The following HELZ variants were observed in gnomAD, a reference collection of about 807,000 sequenced individuals.
The protein encoded by HELZ is helicase with zinc finger.
Under a neutral mutation model 218.2 loss-of-function variants are expected in HELZ, and 23 were observed. The ratio of observed to expected loss-of-function variants is 0.11; its 90% CI spans 0.08 to 0.15. The LOEUF (loss-of-function observed/expected upper bound fraction) is 0.15. HELZ is among the 10% of genes least tolerant of loss of function. HELZ has a pLI of 1.00. For synonymous variants in HELZ, 814 were observed against 829.4 expected, an observed-to-expected ratio of 0.98 and a Z score of 0.32; for missense variants, 1,813 against 2,353.7, an observed-to-expected ratio of 0.77 and a Z score of 4.75.
At position 67,167,697 on chromosome 17, in the gene HELZ, G is replaced by A. The variant is rs907645504; in HGVS notation, c.1530C>T (p.Arg510=). 6.2e-7 allele frequency: 1 copy of A among 1,614,164 alleles called. No homozygotes were observed. The highest frequency in any genetic ancestry group is 8.5e-7 in the Non-Finnish European group (1 of 1,180,030). Residue 510 remains arginine, a synonymous_variant, in exon 14 of 33, where the codon CGC becomes CGT. Coordinates refer to ENST00000358691, the MANE Select transcript of HELZ (RefSeq NM_014877.4). Reference sequence around the variant, plus strand: ...CAGAAAGTGTTTCAGTAAGCTTAAAGCGACCAAAAAGTTGTCCATTCTGAG... The same window carrying A: ...CAGAAAGTGTTTCAGTAAGCTTAAAACGACCAAAAAGTTGTCCATTCTGAG... ...KYAQNGQLFG[R]FKLTETLSED... is the part of the protein sequence containing the mutation.
intron 32 of HELZ, among the ~76,000 whole-genome samples, 188 bp downstream of exon 32, chr17:67,086,641 T>TAAATATAA: frequency 1.1e-5 from 1 of 92,684 alleles, no homozygotes; most frequent in Non-Finnish European, 2.4e-5. Context: ...AATATATATA[T>TAAATATAA]ATATATATAT....
rs891871898 is a variant in HELZ, at chr17:67,110,138, G to A, written c.3919-452C>T. The stretch of plus-strand genomic sequence containing the variant: ...GCTGCAGTGCAGTGGCACCATCTTG[G>A]CTCACTGCAATTTCTGCCTCCTGGA... On this transcript the variant is annotated intron_variant, in intron 28 of 32. Transcript: ENST00000358691. 5.3e-5 allele frequency among the ~76,000 whole-genome samples: 8 copies of A among 152,124 alleles called. No homozygotes were observed. The East Asian group carries it at 1.4e-3, about 26-fold the overall frequency.
At chr17:67,162,801 A>G (rs984816288) in intron 15 of HELZ, among the ~76,000 whole-genome samples, 2 of 152,104 alleles carry the variant, frequency 1.3e-5, no homozygotes, top group Admixed American at 6.5e-5. Flanking sequence ...GCTGACCAGG[A>G]AAAGTAAATA....
At chr17:67,110,783 A>G (rs1013397103) in intron 28 of HELZ, among the ~76,000 whole-genome samples, 1 of 152,238 alleles carries the variant, frequency 6.6e-6, no homozygotes, top group African/African-American at 2.4e-5. Flanking sequence ...AACAGCTCCA[A>G]CAGAGACCAT....
rs1789237040 is a variant in HELZ at position 67,203,193 on chromosome 17, A to C, written c.372+126T>G. ...GTACTATATCTCAGGATACTCATGA[A>C]TTTTGCTTTCTAATAGAGGAAGAAC... is the stretch of plus-strand genomic sequence containing the variant. On this transcript the variant is annotated intron_variant, in intron 6 of 32. Coordinates refer to ENST00000358691, the MANE Select transcript of HELZ (RefSeq NM_014877.4). The C allele has an allele frequency of 5.5e-6, 5 of 910,738 alleles. No homozygotes were observed. In the African/African-American group the frequency reaches 6.7e-5, roughly 12 times the overall value. 56.4% of individuals were successfully genotyped at this position (910,738 alleles called of 1,614,324 possible). A position where few individuals can be genotyped will look rare whatever the true frequency, so the allele number is the denominator to read the frequency against.
In HELZ at chr17:67,120,514, A is replaced by G. The variant is rs372014889; in HGVS notation, c.3729T>C (p.His1243=). 6.8e-6 allele frequency: 11 copies of G among 1,613,876 alleles called. No individual in the cohort carries two copies. Among genetic ancestry groups the G allele is most frequent in the Non-Finnish European group, 9.3e-6 (11 of 1,179,910 alleles). Residue 1243 remains histidine, a synonymous_variant, in exon 27 of 33, where the codon CAT becomes CAC. Transcript: ENST00000358691. The part of the protein sequence containing the change: ...MAYNMNLLQT[H]GRGSPIPYGL... Reference sequence around the variant, plus strand: ...CATAAGGAATAGGAGATCCTCGTCCATGTGTCTGTAATAGGTTCATGTTAT... The same window carrying G: ...CATAAGGAATAGGAGATCCTCGTCCGTGTGTCTGTAATAGGTTCATGTTAT...
At chr17:67,093,966 A>AAAAG (rs58008488) in intron 31 of HELZ, among the ~76,000 whole-genome samples, 12,921 of 152,166 alleles carry the variant, frequency 0.085, 1,778 homozygotes, top group African/African-American at 0.29. Flanking sequence ...TGTTTCCCTT[A>AAAAG]AAAGATACAG....
intron 5 of HELZ, among the ~76,000 whole-genome samples, chr17:67,213,620 CAAAAAAAAT>C (rs1010780941): frequency 1.3e-5 from 2 of 151,352 alleles, no homozygotes; most frequent in African/African-American, 4.9e-5. Flanking sequence ...GACTCCATCT[CAAAAAAAAT>C]AAATAAAATA....
intron 17 of HELZ, among the ~76,000 whole-genome samples, chr17:67,152,090 C>T (rs1374284410): frequency 6.6e-6 from 1 of 152,160 alleles, no homozygotes; most frequent in Non-Finnish European, 1.5e-5. Context: ...CTGGGCAGAA[C>T]ATATATGGTG....
intron 32 of HELZ, among the ~76,000 whole-genome samples, chr17:67,082,858 TTG>T (rs1491033366): frequency 6.7e-5 from 10 of 148,656 alleles, no homozygotes; most frequent in African/African-American, 2.5e-4. Flanking sequence ...TTTTTTTTTT[TTG>T]TTTTTTTTTT....
intron 21 of HELZ, 111 bp from the exon 22 acceptor site, chr17:67,138,225 TAAAAA>T: frequency 1.8e-6 from 1 of 541,518 alleles, no homozygotes; most frequent in Non-Finnish European, 2.8e-6. Flanking sequence ...AGATGTCATT[TAAAAA>T]AAAAAAAAAA....
chr17:67,217,957 C>T (rs1322986266), intron 4 of HELZ, among the ~76,000 whole-genome samples: 9 of 146,932 alleles, frequency 6.1e-5, no homozygotes, highest in Non-Finnish European at 1.2e-4. Flanking sequence ...GACGGAGTCT[C>T]GGAGTCTCGC....
At chr17:67,135,092 A>G (rs939453670) in intron 23 of HELZ, among the ~76,000 whole-genome samples, 1 of 152,254 alleles carries the variant, frequency 6.6e-6, no homozygotes, top group Middle Eastern at 3.4e-3. Flanking sequence ...AAGTGTATAA[A>G]GAAAGATTTT....
At chr17:67,082,239 C>T (rs1006521775) in intron 32 of HELZ, among the ~76,000 whole-genome samples, 2 of 152,226 alleles carry the variant, frequency 1.3e-5, no homozygotes, top group Admixed American at 1.3e-4. Context: ...AGAATGAACT[C>T]AGACATTTGA....
At chr17:67,236,764 T>A (rs545211179) in intron 3 of HELZ, among the ~76,000 whole-genome samples, 1 of 152,314 alleles carries the variant, frequency 6.6e-6, no homozygotes, top group South Asian at 2.1e-4. Context: ...AACAATTTAT[T>A]TATTATCAAT....
At position 67,074,756 on chromosome 17, in the gene HELZ, T is replaced by C. The variant is rs2035975062; in HGVS notation, c.*3496A>G. 6.6e-6 allele frequency: 1 copy of C among 152,138 alleles called. No homozygotes were observed. The highest frequency in any genetic ancestry group is 6.5e-5 in the Admixed American group (1 of 15,276). 9.4% of individuals were successfully genotyped at this position (152,138 alleles called of 1,614,324 possible). On this transcript the variant is annotated 3_prime_UTR_variant, in exon 33 of 33. Transcript: ENST00000358691. ...GCTATGTTTAATTAGGTAATGCTTA[T>C]TCAGTGGGAATTCTGCTTATTTTAC...
rs750066876 is a variant in HELZ, at chr17:67,167,482, C to T, written c.1745G>A (p.Arg582Gln). ...SRECCEELNL[R>Q]PDCDTQVELQ... The stretch of plus-strand genomic sequence containing the variant: ...ACATACCTGTGTGTCACAGTCAGGC[C>T]GAAGATTAAGTTCTTCACAGCATTC... Residue 582 changes from arginine (R) to glutamine (Q), a missense_variant, in exon 14 of 33, where the codon CGG becomes CAG. Around this residue, in one of 4 missense-constraint regions of HELZ, gnomAD observed 714 missense variants for 1,029.2 expected, o/e 0.69. Transcript: ENST00000358691. The T allele has an allele frequency of 3.7e-6, 6 of 1,612,428 alleles. No individual in the cohort carries two copies. Among genetic ancestry groups the T allele is most frequent in the Middle Eastern group, 1.7e-4 (1 of 6,060 alleles).
chr17:67,186,374 G>A (rs546943052), intron 12 of HELZ, among the ~76,000 whole-genome samples: 5 of 152,198 alleles, frequency 3.3e-5, no homozygotes, highest in African/African-American at 1.2e-4. Context: ...GAAGCCCAGA[G>A]AAGTTAAGTA....
intron 5 of HELZ, among the ~76,000 whole-genome samples, chr17:67,210,914 CA>C (rs891337454): frequency 8.2e-5 from 12 of 146,914 alleles, no homozygotes; most frequent in Admixed American, 2.7e-4. Flanking sequence ...GAACAAGACT[CA>C]AAAAAAAAAG....
Sources: gnomAD v4.1 joint callset for allele counts (sites outside exome capture counted in the v4.1 genomes callset) on GRCh38, gnomAD v4.1.1 for gene constraint, gnomAD v4.1.1 regional missense constraint, MANE v1.5 for transcripts, NCBI Gene and HGNC (gene_info 2026-07-23, HGNC 2026-07-21) for gene names.